The following DEFB125 variants were observed in gnomAD, a reference collection of about 807,000 sequenced individuals.
The protein encoded by DEFB125 is beta-defensin 125.
DEFB125 carries 11 observed loss-of-function variants against 11.8 expected under a neutral mutation model. The observed-to-expected ratio is 0.94, with a 90% CI of 0.59 to 1.55. The LOEUF is 1.55. Ranked by LOEUF, DEFB125 falls within the 40% of genes most tolerant of loss-of-function variation. The pLI, the probability that DEFB125 is intolerant of heterozygous loss-of-function variation, is 0.00. For missense variants in DEFB125, 198 were observed against 191.2 expected, an observed-to-expected ratio of 1.04 and a Z score of -0.21; for synonymous variants, 79 against 66.7, an observed-to-expected ratio of 1.18 and a Z score of -0.90.
Position 96,448 on chromosome 20 carries a change from G to C in DEFB125, c.*31G>C, listed in dbSNP as rs199782665. The C allele has an allele frequency of 1.8e-5, 28 of 1,574,874 alleles. No homozygotes were observed. In the East Asian group the frequency reaches 5.8e-4, roughly 33 times the overall value. ...ATTTACTTCTGGTATGGAACAACTA[G>C]AAATACTGCTGGAAATAATATCCAA... On this transcript the variant is annotated 3_prime_UTR_variant, in exon 2 of 2. Transcript: ENST00000382410.
At chr20:93,736 T>C (rs1191647895) in intron 1 of DEFB125, among the ~76,000 whole-genome samples, 2 of 152,208 alleles carry the variant, frequency 1.3e-5, no homozygotes, top group Non-Finnish European at 2.9e-5. Flanking sequence ...ATTGTCAGTA[T>C]CTCCAGTCTT....
At chr20:89,506 A>C (rs1474944690) in intron 1 of DEFB125, among the ~76,000 whole-genome samples, 1 of 152,110 alleles carries the variant, frequency 6.6e-6, no homozygotes, top group Non-Finnish European at 1.5e-5. Context: ...ATTTTCAAAA[A>C]CTGTATTTCC....
In DEFB125 at chr20:96,084, A is replaced by G. The variant is rs1171761677; in HGVS notation, c.138A>G (p.Ile46Met). The change falls in exon 2 of 2, where the codon ATA (isoleucine) becomes ATG (methionine). Residue 46 changes from isoleucine (I) to methionine (M), a missense_variant. Transcript: ENST00000382410. ...GATGTTTAGATACTGAAAGGTACATACTTCTTTGTAGGAACAAGCTATCAT... is the reference window on the plus strand; with the variant it reads ...GATGTTTAGATACTGAAAGGTACATGCTTCTTTGTAGGAACAAGCTATCAT... Reference protein sequence around the residue: ...RRRCLDTERYILLCRNKLSCC... With the variant: ...RRRCLDTERYMLLCRNKLSCC... 14 of 1,613,986 alleles carry G rather than the reference A, an allele frequency of 8.7e-6. No homozygotes were observed. The highest frequency in any genetic ancestry group is 1.2e-5 in the Non-Finnish European group (14 of 1,180,038).
At chr20:92,976 T>C (rs2054502066) in intron 1 of DEFB125, among the ~76,000 whole-genome samples, 1 of 150,458 alleles carries the variant, frequency 6.6e-6, no homozygotes, top group Non-Finnish European at 1.5e-5. Flanking sequence ...CTGCTTTTTT[T>C]TTTTTTTTTT....
At chr20:88,619 C>G (rs1056266207) in intron 1 of DEFB125, among the ~76,000 whole-genome samples, 1 of 151,984 alleles carries the variant, frequency 6.6e-6, no homozygotes, top group Non-Finnish European at 1.5e-5. Flanking sequence ...TTAAAAAATG[C>G]AATTGCAAAT....
At chr20:88,182 T>C (rs909554615) in intron 1 of DEFB125, among the ~76,000 whole-genome samples, 1 of 152,186 alleles carries the variant, frequency 6.6e-6, no homozygotes, top group Non-Finnish European at 1.5e-5. Context: ...GGCCCTCACT[T>C]TCATGTTCTT....
intron 1 of DEFB125, among the ~76,000 whole-genome samples, chr20:88,049 T>C (rs2054482482): frequency 6.6e-6 from 1 of 152,230 alleles, no homozygotes; most frequent in Non-Finnish European, 1.5e-5. Flanking sequence ...AACTATCCAA[T>C]GTTAGTTCAG....
intron 1 of DEFB125, among the ~76,000 whole-genome samples, chr20:94,558 G>C (rs1408812240): frequency 6.6e-6 from 1 of 152,008 alleles, no homozygotes; most frequent in African/African-American, 2.4e-5. Flanking sequence ...TAATGCCTTG[G>C]CTGATCTGAC....
chr20:87,682 A>G lies in DEFB125; in HGVS notation c.-28A>G. 6.2e-7 allele frequency: 1 copy of G among 1,612,140 alleles called. No individual in the cohort carries two copies. The highest frequency in any genetic ancestry group is 1.1e-5 in the South Asian group (1 of 91,048). ...TGTGCAGTGTTCTGTATTCCTCAGGACACAGAGCTTCCTCTCTCCCAGGAG... is the reference window on the plus strand; with the variant it reads ...TGTGCAGTGTTCTGTATTCCTCAGGGCACAGAGCTTCCTCTCTCCCAGGAG... On this transcript the variant is annotated 5_prime_UTR_variant, in exon 1 of 2. Transcript: ENST00000382410.
chr20:94,522 A>G (rs896877184), intron 1 of DEFB125, among the ~76,000 whole-genome samples: 2 of 152,074 alleles, frequency 1.3e-5, no homozygotes, highest in Non-Finnish European at 2.9e-5. Flanking sequence ...ACAGTTCACA[A>G]TAGGGTTCAT....
intron 1 of DEFB125, among the ~76,000 whole-genome samples, chr20:93,964 T>A (rs1182114074): frequency 6.6e-6 from 1 of 152,096 alleles, no homozygotes. Flanking sequence ...GAAGAAAACA[T>A]AAATGGATGT....
chr20:96,078 G>A lies in DEFB125; in HGVS notation c.132G>A (p.Arg44=), dbSNP rs890000950. 2.5e-6 allele frequency: 4 copies of A among 1,613,982 alleles called. No individual in the cohort carries two copies. The highest frequency in any genetic ancestry group is 3.4e-6 in the Non-Finnish European group (4 of 1,179,980). ...HCRRRCLDTE[R]YILLCRNKLS... ...GAAGACGATGTTTAGATACTGAAAG[G>A]TACATACTTCTTTGTAGGAACAAGC... The change falls in exon 2 of 2, where the codon AGG becomes AGA. Residue 44 remains arginine, a synonymous_variant. Transcript: ENST00000382410.
chr20:87,819 T>A, intron 1 of DEFB125, 52 bp downstream of exon 1: 1 of 1,572,574 alleles, frequency 6.4e-7, no homozygotes, highest in Non-Finnish European at 8.7e-7. Flanking sequence ...TTGTTGCCCT[T>A]GGGCTCCCCT....
At chr20:88,808 T>G (rs1296658587) in intron 1 of DEFB125, among the ~76,000 whole-genome samples, 2 of 151,066 alleles carry the variant, frequency 1.3e-5, no homozygotes, top group East Asian at 3.9e-4. Context: ...CAAAAACAAT[T>G]CAGCAAGAAA....
chr20:96,115 A>G lies in DEFB125; in HGVS notation c.169A>G (p.Ile57Val), dbSNP rs772464690. ...TTGTAGGAACAAGCTATCATGCTGCATTTCTATAATATCACATGAATATAC... is the reference window on the plus strand; with the variant it reads ...TTGTAGGAACAAGCTATCATGCTGCGTTTCTATAATATCACATGAATATAC... ...LLCRNKLSCC[I>V]SIISHEYTRR... The change falls in exon 2 of 2, where the codon ATT (isoleucine) becomes GTT (valine). Residue 57 changes from isoleucine to valine, a missense_variant. Transcript: ENST00000382410. 1 of 1,614,186 alleles carries G rather than the reference A, an allele frequency of 6.2e-7. No homozygotes were observed. Among genetic ancestry groups the G allele is most frequent in the South Asian group, 1.1e-5 (1 of 91,080 alleles).
At chr20:87,859 C>T in intron 1 of DEFB125, 92 bp downstream of exon 1, 1 of 1,379,794 alleles carries the variant, frequency 7.2e-7, no homozygotes, top group South Asian at 1.2e-5. Context: ...AGGGAATCTG[C>T]AGGAAAAATC....
chr20:93,902 A>AT (rs34618192), intron 1 of DEFB125, among the ~76,000 whole-genome samples: 16,723 of 150,082 alleles, frequency 0.11, 1,040 homozygotes, highest in African/African-American at 0.14. Context: ...GCTTGGTAAT[A>AT]TTTTTTTTTT....
intron 1 of DEFB125, among the ~76,000 whole-genome samples, chr20:88,270 G>T (rs896930143): frequency 1.3e-5 from 2 of 152,098 alleles, no homozygotes; most frequent in Non-Finnish European, 2.9e-5. Context: ...TATATGTTTG[G>T]GGTAGAAGTG....
chr20:96,536 G>T lies in DEFB125; in HGVS notation c.*119G>T. 1 of 1,271,244 alleles carries T rather than the reference G, an allele frequency of 7.9e-7. No individual in the cohort carries two copies. The allele number at this position is 1,271,244 out of a possible 1,614,324, so 78.7% of individuals were successfully genotyped here. A position where few individuals can be genotyped will look rare whatever the true frequency, so the allele number is the denominator to read the frequency against. On this transcript the variant is annotated 3_prime_UTR_variant, in exon 2 of 2. Coordinates refer to ENST00000382410, the MANE Select transcript of DEFB125 (RefSeq NM_153325.4). ...TCCATCAGGGATTGGATGACCATGG[G>T]GATGGACATAATTGCTACTACCAAC...
Sources: gnomAD v4.1 joint callset for allele counts (sites outside exome capture counted in the v4.1 genomes callset) on GRCh38, gnomAD v4.1.1 for gene constraint, MANE v1.5 for transcripts, NCBI Gene and HGNC (gene_info 2026-07-23, HGNC 2026-07-21) for gene names.